SMIM14: variants seen among roughly 807,000 people sequenced by gnomAD.
SMIM14 encodes chromosome 4 open reading frame 34.
A neutral mutation model predicts 12.6 loss-of-function variants in SMIM14; 5 were observed. The observed-to-expected ratio is 0.40, with a 90% CI of 0.21 to 0.83. The LOEUF (loss-of-function observed/expected upper bound fraction) is 0.83, where lower values mean the gene tolerates loss of function less well. Among genes scored for constraint, SMIM14 ranks in the 40% least tolerant of loss-of-function variants. The probability of loss-of-function intolerance (pLI) is 0.37; values close to 1 mark genes in which losing one functional copy is unlikely to be tolerated. For missense variants in SMIM14, 86 were observed against 119.1 expected (o/e 0.72, Z 1.29); for synonymous variants, 30 against 40.1 (o/e 0.75, Z 0.95).
At chr4:39,623,119 T>C (rs1270215160) in intron 1 of SMIM14, among the ~76,000 whole-genome samples, 1 of 151,834 alleles carries the variant, frequency 6.6e-6, no homozygotes, top group Non-Finnish European at 1.5e-5. Flanking sequence ...CTAAAAAGAG[T>C]CTTTATCTCT....
intron 2 of SMIM14, among the ~76,000 whole-genome samples, chr4:39,579,843 C>CAAAA (rs528601041): frequency 4.8e-5 from 6 of 123,900 alleles, no homozygotes; most frequent in African/African-American, 6.2e-5. Flanking sequence ...GACTCCGTCT[C>CAAAA]AAAAAAAAAA....
intron 2 of SMIM14, among the ~76,000 whole-genome samples, chr4:39,602,037 T>G (rs1714636119): frequency 6.8e-6 from 1 of 146,878 alleles, no homozygotes; most frequent in Non-Finnish European, 1.5e-5. Context: ...ATAGTTGAGC[T>G]CAGGAGTTCA....
intron 2 of SMIM14, among the ~76,000 whole-genome samples, chr4:39,598,954 C>T (rs1277362341): frequency 2.0e-5 from 3 of 152,004 alleles, no homozygotes; most frequent in African/African-American, 7.3e-5. Context: ...CTTTGTTTCT[C>T]GTATGTGCTA....
chr4:39,584,668 C>A (rs1157972515), intron 2 of SMIM14, among the ~76,000 whole-genome samples: 1 of 148,548 alleles, frequency 6.7e-6, no homozygotes, highest in Non-Finnish European at 1.5e-5. Flanking sequence ...TGGTGGCACA[C>A]ATCTATAGTC....
chr4:39,631,195 G>C (rs1362472743), intron 1 of SMIM14, among the ~76,000 whole-genome samples: 1 of 151,990 alleles, frequency 6.6e-6, no homozygotes, highest in East Asian at 1.9e-4. Flanking sequence ...AGCCGGGCAT[G>C]GTGGCAGGTG....
chr4:39,617,246 GC>G (rs1715259967), intron 1 of SMIM14, among the ~76,000 whole-genome samples: 1 of 152,154 alleles, frequency 6.6e-6, no homozygotes, highest in African/African-American at 2.4e-5. Context: ...AGAGATGTTT[GC>G]AAATAGTCCC....
intron 1 of SMIM14, among the ~76,000 whole-genome samples, chr4:39,618,284 G>C (rs1715296077): frequency 6.6e-6 from 1 of 152,104 alleles, no homozygotes; most frequent in African/African-American, 2.4e-5. Flanking sequence ...TGAACACCTT[G>C]ATACTGAACA....
intron 1 of SMIM14, among the ~76,000 whole-genome samples, chr4:39,607,335 C>T (rs1714851739): frequency 6.6e-6 from 1 of 152,130 alleles, no homozygotes; most frequent in Non-Finnish European, 1.5e-5. Context: ...CATGGAAAAC[C>T]ATTCTGGTTA....
At position 39,619,863 on chromosome 4, in the gene SMIM14, T is replaced by TAC. The variant is rs1325039794; in HGVS notation, c.-35-14684_-35-14683insGT. Among the ~76,000 whole-genome samples the TAC allele has an allele frequency of 7.2e-4, 52 of 71,794 alleles. No individual in the cohort carries two copies. The South Asian group carries it at 9.5e-3, about 13-fold the overall frequency. The allele number at this position is 71,794 out of a possible 152,430, so 47.1% of individuals were successfully genotyped here. A position where few individuals can be genotyped will look rare whatever the true frequency, so the allele number is the denominator to read the frequency against. On this transcript the variant is annotated intron_variant, in intron 1 of 4. Coordinates refer to ENST00000295958, the MANE Select transcript of SMIM14 (RefSeq NM_174921.3). The stretch of plus-strand genomic sequence containing the variant: ...GTATATATATATTTATATATATTTA[T>TAC]ATATATATATATATTTTTTTTTTTT...
chr4:39,572,302 T>C (rs1712934927), intron 3 of SMIM14, 113 bp downstream of exon 3: 1 of 197,194 alleles, frequency 5.1e-6, no homozygotes, highest in African/African-American at 3.1e-5. Flanking sequence ...TTTTTTTTTT[T>C]GGTAACCACT....
chr4:39,579,452 A>G (rs1274087799), intron 2 of SMIM14, among the ~76,000 whole-genome samples: 2 of 152,022 alleles, frequency 1.3e-5, no homozygotes, highest in African/African-American at 2.4e-5. Context: ...AAAAGGCACA[A>G]AAAGGGATTA....
At chr4:39,602,313 G>A (rs937836859) in intron 2 of SMIM14, among the ~76,000 whole-genome samples, 2 of 151,080 alleles carry the variant, frequency 1.3e-5, no homozygotes, top group Non-Finnish European at 2.9e-5. Flanking sequence ...AAAGAATATT[G>A]GCCGGGCGCA....
At chr4:39,636,960 T>A (rs919983303) in intron 1 of SMIM14, among the ~76,000 whole-genome samples, 1 of 152,174 alleles carries the variant, frequency 6.6e-6, no homozygotes, top group Non-Finnish European at 1.5e-5. Flanking sequence ...CCCCTGAAAG[T>A]GAAACCACGG....
chr4:39,614,957 T>C (rs908518960), intron 1 of SMIM14, among the ~76,000 whole-genome samples: 1 of 152,206 alleles, frequency 6.6e-6, no homozygotes, highest in Non-Finnish European at 1.5e-5. Context: ...AGTTGAGTCA[T>C]ACTGTTGCTA....
rs114510913 is a variant in SMIM14, at chr4:39,596,986, G to A, written c.75+8085C>T. 4.5e-3 allele frequency among the ~76,000 whole-genome samples: 691 copies of A among 152,056 alleles called. 5 individuals carry two copies. The highest frequency in any genetic ancestry group is 0.016 in the African/African-American group (656 of 41,478). On this transcript the variant is annotated intron_variant, in intron 2 of 4. Coordinates refer to ENST00000295958, the MANE Select transcript of SMIM14 (RefSeq NM_174921.3). ...AAAAGGGATTTTGCCGTATTGCCCAGGCTGGTCTTGAACTCCTAGGTTCAA... is the reference window on the plus strand; with the variant it reads ...AAAAGGGATTTTGCCGTATTGCCCAAGCTGGTCTTGAACTCCTAGGTTCAA...
chr4:39,578,651 C>T (rs1341233199), intron 2 of SMIM14, among the ~76,000 whole-genome samples: 2 of 152,052 alleles, frequency 1.3e-5, no homozygotes, highest in African/African-American at 4.8e-5. Context: ...TCGATCTCCC[C>T]ATCTAAACAA....
At chr4:39,576,420 A>G (rs1560289465) in intron 2 of SMIM14, among the ~76,000 whole-genome samples, 1 of 151,324 alleles carries the variant, frequency 6.6e-6, no homozygotes, top group Non-Finnish European at 1.5e-5. Context: ...AAAGTACATG[A>G]CTAGGAGGTC....
At chr4:39,577,200 G>A (rs1267386021) in intron 2 of SMIM14, among the ~76,000 whole-genome samples, 19 of 152,050 alleles carry the variant, frequency 1.2e-4, no homozygotes, top group Non-Finnish European at 1.2e-4. Context: ...GCTTCCCTTT[G>A]ATGCTAAGTA....
At chr4:39,590,448 G>A (rs993810582) in intron 2 of SMIM14, among the ~76,000 whole-genome samples, 9 of 151,538 alleles carry the variant, frequency 5.9e-5, no homozygotes, top group African/African-American at 2.2e-4. Context: ...ATTAGACGGG[G>A]ATTTTGTGTA....
Sources: allele counts gnomAD v4.1 joint callset (sites outside exome capture counted in the v4.1 genomes callset), GRCh38; gene constraint gnomAD v4.1.1; transcripts MANE v1.5; gene names NCBI Gene and HGNC (gene_info 2026-07-23, HGNC 2026-07-21).